The following DOCK7 variants were observed in gnomAD, a reference collection of about 807,000 sequenced individuals.
DOCK7 encodes the protein dedicator of cytokinesis 7, also known as dedicator of cytokinesis protein 7.
In DOCK7, 138 loss-of-function variants were observed where a neutral mutation model predicts 271.0. That is an observed-to-expected ratio of 0.51 (90% CI 0.44 to 0.59). The LOEUF is 0.59. Ranked by LOEUF, DOCK7 falls within the 20% of genes least tolerant of loss-of-function variation. DOCK7 has a pLI of 0.00. For missense variants in DOCK7, 2,066 were observed against 2,592.4 expected, an observed-to-expected ratio of 0.80 and a Z score of 4.41; for synonymous variants, 823 against 876.1, an observed-to-expected ratio of 0.94 and a Z score of 1.07.
intron 14 of DOCK7, among the ~76,000 whole-genome samples, chr1:62,611,832 T>C (rs565424686): frequency 6.6e-6 from 1 of 152,102 alleles, no homozygotes; most frequent in Admixed American, 6.6e-5. Context: ...TTTCATTTGT[T>C]ATTGAGGTTA....
At position 62,475,300 on chromosome 1, in the gene DOCK7, G is replaced by T. The variant is rs1384796054; in HGVS notation, c.6013C>A (p.Gln2005Lys). ...VAIEDMQKKTQELAFATHQDP... is the reference protein window; with the variant it reads ...VAIEDMQKKTKELAFATHQDP... ...TGATGTGTTGCAAATGCCAACTCCT[G>T]TGTCTTTTTCTGCATGTCCTCAATA... The change falls in exon 47 of 50, where the codon CAG (glutamine) becomes AAG (lysine). Residue 2005 changes from glutamine to lysine, a missense_variant. By Grantham distance (53) the Gln-to-Lys change is moderately conservative. This residue lies in a region of DOCK7 where 652 missense variants were observed against 922.1 expected (regional missense o/e 0.71). Coordinates refer to ENST00000635253, the MANE Select transcript of DOCK7 (RefSeq NM_001367561.1). 1 of 1,613,900 alleles carries T rather than the reference G, an allele frequency of 6.2e-7. No homozygotes were observed. Among genetic ancestry groups the T allele is most frequent in the Admixed American group, 1.7e-5 (1 of 59,990 alleles).
At chr1:62,675,397 G>C (rs1261030856) in intron 1 of DOCK7, among the ~76,000 whole-genome samples, 1 of 152,110 alleles carries the variant, frequency 6.6e-6, no homozygotes, top group East Asian at 1.9e-4. Context: ...GCAAGACCCT[G>C]TCTCAATCAA....
rs377040838 is a variant in DOCK7 at position 62,678,191 on chromosome 1, A to G, written c.38+10036T>C. ...ATGTAAGAATGTTCAACATTAATAC[A>G]ATGTTGAATAGCAATGGTATCAATC... On this transcript the variant is annotated intron_variant, in intron 1 of 49. Coordinates refer to ENST00000635253, the MANE Select transcript of DOCK7 (RefSeq NM_001367561.1). Among the ~76,000 whole-genome samples the G allele has an allele frequency of 1.3e-3, 194 of 152,178 alleles. 1 individual carries two copies. The South Asian group carries it at 0.038, about 30-fold the overall frequency.
At chr1:62,613,892 T>C (rs766749805) in intron 14 of DOCK7, among the ~76,000 whole-genome samples, 15 of 152,150 alleles carry the variant, frequency 9.9e-5, no homozygotes, top group Non-Finnish European at 2.1e-4. Flanking sequence ...TTGAACCCCC[T>C]GAACTTCAGC....
intron 7 of DOCK7, among the ~76,000 whole-genome samples, chr1:62,647,058 G>T (rs1490601200): frequency 1.3e-5 from 2 of 152,154 alleles, no homozygotes; most frequent in Admixed American, 6.5e-5. Context: ...GAAAGAAATT[G>T]CCAGAATTAT....
At chr1:62,570,792 A>T (rs183722089) in intron 18 of DOCK7, among the ~76,000 whole-genome samples, 50 of 152,294 alleles carry the variant, frequency 3.3e-4, no homozygotes, top group Middle Eastern at 3.4e-3. Context: ...CCTGACAAAA[A>T]CAAGCAATGG....
intron 31 of DOCK7, chr1:62,516,910 T>C (rs1644678119): frequency 6.6e-6 from 1 of 152,474 alleles, no homozygotes; most frequent in East Asian, 1.9e-4. Context: ...ACATAGCTTA[T>C]GTTCTCATAG....
intron 16 of DOCK7, 66 bp from the exon 17 acceptor site, chr1:62,579,032 T>C: frequency 2.2e-6 from 3 of 1,341,090 alleles, no homozygotes; most frequent in South Asian, 2.1e-5. Flanking sequence ...TGTATTTGTA[T>C]ATTTGAATAA....
chr1:62,580,474 T>G (rs1455867822), intron 16 of DOCK7, among the ~76,000 whole-genome samples: 1 of 152,172 alleles, frequency 6.6e-6, no homozygotes, highest in Non-Finnish European at 1.5e-5. Context: ...AATGAGATAA[T>G]TTTTAGAAAT....
chr1:62,496,751 T>A (rs1264924029), intron 37 of DOCK7, among the ~76,000 whole-genome samples: 3 of 152,194 alleles, frequency 2.0e-5, no homozygotes, highest in African/African-American at 7.2e-5. Context: ...ATTCTGCTTA[T>A]CTCTTTACAT....
chr1:62,646,155 C>CAAAAAAAAAAAA (rs58296142), intron 7 of DOCK7, among the ~76,000 whole-genome samples: 1 of 111,226 alleles, frequency 9.0e-6, no homozygotes, highest in African/African-American at 3.7e-5. Context: ...GACTCCGTCT[C>CAAAAAAAAAAAA]AAAAAAAAAA....
chr1:62,566,375 G>C (rs1272870615), intron 18 of DOCK7, among the ~76,000 whole-genome samples: 2 of 152,056 alleles, frequency 1.3e-5, no homozygotes, highest in Non-Finnish European at 2.9e-5. Context: ...CAGAACAGAG[G>C]CCTCAGAAAT....
chr1:62,557,183 A>C (rs1646173067), intron 20 of DOCK7, among the ~76,000 whole-genome samples: 1 of 150,376 alleles, frequency 6.6e-6, no homozygotes, highest in South Asian at 2.1e-4. Flanking sequence ...TATAGTTGTG[A>C]GCTACCACAC....
At chr1:62,466,949 AAAC>A (rs1227425877) in intron 48 of DOCK7, among the ~76,000 whole-genome samples, 1 of 152,086 alleles carries the variant, frequency 6.6e-6, no homozygotes, top group Non-Finnish European at 1.5e-5. Flanking sequence ...AAAAAACAAA[AAAC>A]AAGAACAACA....
At chr1:62,583,321 GA>G in intron 15 of DOCK7, 67 bp from the exon 16 acceptor site, 1 of 1,393,254 alleles carries the variant, frequency 7.2e-7, no homozygotes, top group East Asian at 2.3e-5. Context: ...AACTATGTAA[GA>G]ATTTGTCTGA....
chr1:62,687,148 C>CA (rs373832165), intron 1 of DOCK7, among the ~76,000 whole-genome samples: 130 of 151,868 alleles, frequency 8.6e-4, no homozygotes, highest in African/African-American at 2.8e-3. Flanking sequence ...TGCCCCAAAA[C>CA]AAAAAAAGGT....
At chr1:62,673,473 A>C (rs949937473) in intron 1 of DOCK7, among the ~76,000 whole-genome samples, 8 of 152,246 alleles carry the variant, frequency 5.3e-5, no homozygotes, top group African/African-American at 1.4e-4. Flanking sequence ...TTACATTATA[A>C]TTACATAAAG....
chr1:62,461,459 C>A (rs1645523670), intron 48 of DOCK7, among the ~76,000 whole-genome samples: 1 of 151,866 alleles, frequency 6.6e-6, no homozygotes, highest in Non-Finnish European at 1.5e-5. Context: ...GACCAGAGGA[C>A]TGCTGGAGCC....
chr1:62,665,441 C>A (rs535891260), intron 1 of DOCK7, among the ~76,000 whole-genome samples: 126 of 152,098 alleles, frequency 8.3e-4, no homozygotes, highest in African/African-American at 2.9e-3. Flanking sequence ...CGCGGTGGCT[C>A]GCGCCTGTAA....
Sources: allele counts gnomAD v4.1 joint callset (sites outside exome capture counted in the v4.1 genomes callset), GRCh38; gene constraint gnomAD v4.1.1; regional missense constraint gnomAD v4.1.1; transcripts MANE v1.5; gene names NCBI Gene and HGNC (gene_info 2026-07-23, HGNC 2026-07-21).